CATSPERQ: variants seen among roughly 807,000 people sequenced by gnomAD.
CATSPERQ encodes the protein cation channel sperm-associated auxiliary subunit theta.
chr8:144,353,288 C>T, the CATSPERQ span: 1 of 1,468,244 alleles, frequency 6.8e-7, no homozygotes, highest in Middle Eastern at 2.5e-4. Context: ...TTGATCTGCC[C>T]CAGAGTGGGG....
the CATSPERQ span, chr8:144,353,297 G>A: frequency 6.8e-7 from 1 of 1,480,704 alleles, no homozygotes; most frequent in Non-Finnish European, 8.9e-7. Context: ...CCCAGAGTGG[G>A]GCTGGGAGGT....
chr8:144,354,326 C>T, the CATSPERQ span: 3 of 1,533,366 alleles, frequency 2.0e-6, no homozygotes, highest in South Asian at 1.2e-5. The surrounding 1 kb of genome is among the most constrained non-coding windows in gnomAD (Gnocchi z 4.6). Flanking sequence ...TATTCGAGCA[C>T]GAAGACTGGG....
chr8:144,354,578 A>AGCCCC, the CATSPERQ span: 123 of 222,644 alleles, frequency 5.5e-4, 1 homozygote, highest in African/African-American at 4.9e-3. The surrounding 1 kb of genome is among the most constrained non-coding windows in gnomAD (Gnocchi z 4.6). Flanking sequence ...CGCCCTTCCC[A>AGCCCC]GCCCCGCCCC....
At chr8:144,354,574 T>TGC in the CATSPERQ span, 7 of 322,964 alleles carry the variant, frequency 2.2e-5, no homozygotes, top group Non-Finnish European at 3.8e-5. The surrounding 1 kb of genome is among the most constrained non-coding windows in gnomAD (Gnocchi z 4.6). Context: ...GCCCCGCCCT[T>TGC]CCCAGCCCCG....
chr8:144,353,665 G>A, the CATSPERQ span: 30 of 1,469,234 alleles, frequency 2.0e-5, no homozygotes, highest in East Asian at 5.0e-5. Flanking sequence ...CCCCAGCACC[G>A]AAGACCGTGT....
the CATSPERQ span, chr8:144,354,917 G>T: frequency 7.7e-7 from 1 of 1,305,994 alleles, no homozygotes; most frequent in Non-Finnish European, 1.0e-6. The surrounding 1 kb of genome is among the most constrained non-coding windows in gnomAD (Gnocchi z 4.6). Context: ...GGGCAGCGAG[G>T]CCAGGGAGCG....
chr8:144,353,367 T>C, the CATSPERQ span: 1 of 1,534,338 alleles, frequency 6.5e-7, no homozygotes, highest in Admixed American at 2.0e-5. Context: ...CAGGCTGGAC[T>C]GAGAGGAGCT....
chr8:144,353,451 C>A, the CATSPERQ span: 1 of 1,535,904 alleles, frequency 6.5e-7, no homozygotes, highest in African/African-American at 1.4e-5. Context: ...AACCACGTGC[C>A]GGTAGGAGGT....
At chr8:144,354,883 G>A in the CATSPERQ span, 6 of 1,427,516 alleles carry the variant, frequency 4.2e-6, no homozygotes, top group Non-Finnish European at 4.6e-6. The surrounding 1 kb of genome is among the most constrained non-coding windows in gnomAD (Gnocchi z 4.6). Context: ...CCAGGAAGGA[G>A]CAGGAGCTCA....
At chr8:144,354,796 C>T in the CATSPERQ span, 22 of 1,524,456 alleles carry the variant, frequency 1.4e-5, no homozygotes, top group Admixed American at 2.0e-5. The surrounding 1 kb of genome is among the most constrained non-coding windows in gnomAD (Gnocchi z 4.6). Context: ...GTCAGCCTGG[C>T]CGCTCGTCCG....
the CATSPERQ span, chr8:144,354,844 C>G: frequency 6.7e-7 from 1 of 1,488,260 alleles, no homozygotes. This position sits in a 1 kb window ranked among gnomAD's most constrained non-coding sequence, Gnocchi z 4.6. Context: ...ACTCCTACCT[C>G]GGTGAGCAAA....
chr8:144,354,434 G>T, the CATSPERQ span: 1 of 1,337,264 alleles, frequency 7.5e-7, no homozygotes, highest in Non-Finnish European at 9.9e-7. This position sits in a 1 kb window ranked among gnomAD's most constrained non-coding sequence, Gnocchi z 4.6. Flanking sequence ...CAGGGCTCGC[G>T]GAGGCGACGT....
chr8:144,354,903 G>C, the CATSPERQ span: 1 of 1,387,668 alleles, frequency 7.2e-7, no homozygotes, highest in Non-Finnish European at 9.5e-7. The surrounding 1 kb of genome is among the most constrained non-coding windows in gnomAD (Gnocchi z 4.6). Context: ...ACAGGCGACT[G>C]ACAGGGCAGC....
the CATSPERQ span, chr8:144,353,283 C>T: frequency 6.9e-7 from 1 of 1,450,058 alleles, no homozygotes; most frequent in East Asian, 2.5e-5. Flanking sequence ...CACATTTGAT[C>T]TGCCCCAGAG....
At chr8:144,354,222 C>T in the CATSPERQ span, 1 of 1,545,880 alleles carries the variant, frequency 6.5e-7, no homozygotes, top group East Asian at 2.4e-5. The surrounding 1 kb of genome is among the most constrained non-coding windows in gnomAD (Gnocchi z 4.6). Flanking sequence ...GGGGGTCGGG[C>T]CCAGGGGCTC....
chr8:144,354,500 G>T, the CATSPERQ span: 1 of 1,388,484 alleles, frequency 7.2e-7, no homozygotes, highest in Non-Finnish European at 9.4e-7. This position sits in a 1 kb window ranked among gnomAD's most constrained non-coding sequence, Gnocchi z 4.6. Context: ...CCAGGGCCCT[G>T]GCCCTGCCTC....
the CATSPERQ span, chr8:144,354,799 C>T: frequency 6.6e-7 from 1 of 1,524,434 alleles, no homozygotes; most frequent in East Asian, 2.5e-5. The surrounding 1 kb of genome is among the most constrained non-coding windows in gnomAD (Gnocchi z 4.6). Flanking sequence ...AGCCTGGCCG[C>T]TCGTCCGCTG....
the CATSPERQ span, chr8:144,353,370 G>A: frequency 1.2e-5 from 19 of 1,534,642 alleles, no homozygotes; most frequent in Non-Finnish European, 1.7e-5. Flanking sequence ...GCTGGACTGA[G>A]AGGAGCTGGG....
At chr8:144,353,880 C>T in the CATSPERQ span, 2 of 1,531,602 alleles carry the variant, frequency 1.3e-6, no homozygotes, top group Middle Eastern at 1.7e-4. Flanking sequence ...GGAGAGCGGA[C>T]TTAGCCAGCC....
Sources: allele counts gnomAD v4.1 joint callset, GRCh38; gene constraint gnomAD v4.1.1; non-coding constraint Gnocchi (gnomAD v3.1); transcripts MANE v1.5; gene names NCBI Gene and HGNC (gene_info 2026-07-23, HGNC 2026-07-21).